The following PTPN6 variants were observed in gnomAD, a reference collection of about 807,000 sequenced individuals.
The protein encoded by PTPN6 is protein tyrosine phosphatase non-receptor type 6.
PTPN6 carries 18 observed loss-of-function variants against 81.5 expected under a neutral mutation model. The observed-to-expected ratio is 0.22, with a 90% CI of 0.15 to 0.33. The LOEUF is 0.33. Among genes scored for constraint, PTPN6 ranks in the 10% least tolerant of loss-of-function variants. The pLI is 1.00. For missense variants in PTPN6, 500 were observed against 794.2 expected (o/e 0.63, Z 4.45); for synonymous variants, 301 against 310.9 (o/e 0.97, Z 0.33).
rs1394806924 is a variant in PTPN6, at chr12:6,954,274, C to T, written c.327-531C>T. On this transcript the variant is annotated intron_variant, in intron 3 of 15. Transcript: ENST00000318974. This position sits in a 1 kb window ranked among gnomAD's most constrained non-coding sequence, Gnocchi z 5.4. ...GAGTCTGTGTGTCCATCTCCCACCA[C>T]TCCCTGTGGTGTGGCCTCGGTCTGC... 6.6e-6 allele frequency among the ~76,000 whole-genome samples: 1 copy of T among 152,218 alleles called. No homozygotes were observed. The highest frequency in any genetic ancestry group is 1.9e-4 in the East Asian group (1 of 5,202).
chr12:6,957,847 T>C lies in PTPN6; in HGVS notation c.1206+62T>C. ...CCCTCCCTGGACTTGTTCTCCTCTC[T>C]GGTCGGGTAGGGTGAGATGGATGAG... On this transcript the variant is annotated intron_variant, in intron 10 of 15. Transcript: ENST00000318974. This position sits in a 1 kb window ranked among gnomAD's most constrained non-coding sequence, Gnocchi z 6.5. 6.2e-7 allele frequency: 1 copy of C among 1,613,946 alleles called. No homozygotes were observed. The highest frequency in any genetic ancestry group is 8.5e-7 in the Non-Finnish European group (1 of 1,179,948).
At chr12:6,949,131 G>A (rs1375093584), upstream of PTPN6, among the ~76,000 whole-genome samples, 1 of 152,118 alleles carries the variant, frequency 6.6e-6, no homozygotes, top group East Asian at 1.9e-4. Flanking sequence ...TCTGGTCCCT[G>A]ATCCCGTCTG....
At chr12:6,958,846 G>T (rs1372973853) in intron 11 of PTPN6, among the ~76,000 whole-genome samples, 1 of 152,196 alleles carries the variant, frequency 6.6e-6, no homozygotes, top group Non-Finnish European at 1.5e-5. Context: ...CTAACCCTCA[G>T]CTTCCTCATC....
Position 6,958,025 on chromosome 12 carries a change from A to G in PTPN6, c.1313A>G (p.Gln438Arg), listed in dbSNP as rs1555149037. ...CTCAGCTTCCTGGACCAGATCAACC[A>G]GCGGCAGGAAAGTCTGCCTCACGCA... ...GVLSFLDQIN[Q>R]RQESLPHAGP... Residue 438 changes from glutamine to arginine, a missense_variant, in exon 11 of 16, where the codon CAG becomes CGG. Transcript: ENST00000318974. 5.6e-6 allele frequency: 9 copies of G among 1,613,344 alleles called. No individual in the cohort carries two copies. The highest frequency in any genetic ancestry group is 4.4e-5 in the South Asian group (4 of 91,090).
chr12:6,956,137 C>G lies in PTPN6; in HGVS notation c.845-5C>G, dbSNP rs782816306. 1 of 1,614,192 alleles carries G rather than the reference C, an allele frequency of 6.2e-7. No individual in the cohort carries two copies. The highest frequency in any genetic ancestry group is 8.5e-7 in the Non-Finnish European group (1 of 1,180,030). ...CCATCTCGCCTCCTCTCCGCCCACT[C>G]CCAGTTGACCACAGCCGAGTGATCC... On this transcript the variant is annotated splice_polypyrimidine_tract_variant and splice_region_variant and intron_variant, in intron 7 of 15. Transcript: ENST00000318974. The surrounding 1 kb of genome is among the most constrained non-coding windows in gnomAD (Gnocchi z 4.1).
At chr12:6,961,044 G>A in intron 15 of PTPN6, 82 bp from the exon 16 acceptor site, 2 of 1,515,456 alleles carry the variant, frequency 1.3e-6, no homozygotes, top group African/African-American at 1.4e-5. Context: ...CTCATTCTGT[G>A]CTTCCCAGCT....
At chr12:6,948,307 G>A (rs1419687299), upstream of PTPN6, among the ~76,000 whole-genome samples, 1 of 151,934 alleles carries the variant, frequency 6.6e-6, no homozygotes, top group African/African-American at 2.4e-5. Context: ...GTAGTGGCAT[G>A]CACCTGTGGT....
chr12:6,948,592 G>C (rs186996534), upstream of PTPN6, among the ~76,000 whole-genome samples: 5 of 151,762 alleles, frequency 3.3e-5, no homozygotes, highest in Non-Finnish European at 7.4e-5. Flanking sequence ...ACACCCAGTC[G>C]AAAGAAGAAA....
chr12:6,957,878 C>G lies in PTPN6; in HGVS notation c.1207-41C>G, dbSNP rs1555148994. ...GGTAGGGTGAGATGGATGAGGTGTT[C>G]CGAGAGAGGAGGGGGCACTGACCCT... On this transcript the variant is annotated intron_variant, in intron 10 of 15. Transcript: ENST00000318974. This position sits in a 1 kb window ranked among gnomAD's most constrained non-coding sequence, Gnocchi z 6.5. The G allele has an allele frequency of 6.2e-7, 1 of 1,613,796 alleles. No homozygotes were observed. The highest frequency in any genetic ancestry group is 8.5e-7 in the Non-Finnish European group (1 of 1,180,006).
chr12:6,956,412 C>T lies in PTPN6; in HGVS notation c.925-7C>T. ...CTTGGGGTGCGTCTCTCCACGCTTG[C>T]GTCCAGAACCAGCTGCTAGGCCCTG... On this transcript the variant is annotated splice_polypyrimidine_tract_variant and splice_region_variant and intron_variant, in intron 8 of 15. Transcript: ENST00000318974. The surrounding 1 kb of genome is among the most constrained non-coding windows in gnomAD (Gnocchi z 4.1). The T allele has an allele frequency of 6.2e-7, 1 of 1,614,154 alleles. No individual in the cohort carries two copies. Among genetic ancestry groups the T allele is most frequent in the Non-Finnish European group, 8.5e-7 (1 of 1,180,024 alleles).
At chr12:6,961,086 C>A (rs1946131899) in intron 15 of PTPN6, 40 bp from the exon 16 acceptor site, 16 of 1,351,742 alleles carry the variant, frequency 1.2e-5, no homozygotes, top group South Asian at 5.4e-5. Flanking sequence ...CCTCCAGGTT[C>A]CAGCTACCCT....
upstream of PTPN6, among the ~76,000 whole-genome samples, chr12:6,949,214 G>A (rs1399229029): frequency 2.0e-5 from 3 of 152,164 alleles, no homozygotes; most frequent in Non-Finnish European, 2.9e-5. Flanking sequence ...TCTCAGCCTG[G>A]CCTTGAATGA....
Position 6,960,542 on chromosome 12 carries a change from CA to C in PTPN6, c.1673+109del. ...TGTTGCAGCTGGGGGGACCTGGCTT[CA>C]AGTTCAGGCTTGGTTCTCACCCCTT... On this transcript the variant is annotated intron_variant, in intron 14 of 15. Coordinates refer to ENST00000318974, the MANE Select transcript of PTPN6 (RefSeq NM_002831.6). The surrounding 1 kb of genome is among the most constrained non-coding windows in gnomAD (Gnocchi z 6.1). 6.9e-7 allele frequency: 1 copy of C among 1,442,834 alleles called. No individual in the cohort carries two copies. Among genetic ancestry groups the C allele is most frequent in the Admixed American group, 2.0e-5 (1 of 51,206 alleles). The allele number at this position is 1,442,834 out of a possible 1,614,324, so 89.4% of individuals were successfully genotyped here.
At chr12:6,949,737 TAC>T (rs1483238902), upstream of PTPN6, among the ~76,000 whole-genome samples, 1 of 152,004 alleles carries the variant, frequency 6.6e-6, no homozygotes, top group Non-Finnish European at 1.5e-5. Context: ...CAGAACTTTC[TAC>T]AGATTATTTT....
In PTPN6 at chr12:6,951,532, C is replaced by T. The variant is rs376157457; in HGVS notation, c.8+12C>T. On this transcript the variant is annotated intron_variant, in intron 1 of 15. Coordinates refer to ENST00000318974, the MANE Select transcript of PTPN6 (RefSeq NM_002831.6). The surrounding 1 kb of genome is among the most constrained non-coding windows in gnomAD (Gnocchi z 7.2). ...CCCAGGATGGTGAGGTAAGGGCCTG[C>T]CACCCACGGTAGACAGGAGGCAAGG... is the stretch of plus-strand genomic sequence containing the variant. 612 of 1,613,866 alleles carry T rather than the reference C, an allele frequency of 3.8e-4. No individual in the cohort carries two copies. The highest frequency in any genetic ancestry group is 4.9e-4 in the Non-Finnish European group (584 of 1,179,972).
rs1946023068 is a variant in PTPN6 at position 6,955,999 on chromosome 12, C to T, written c.845-143C>T. 1 of 890,384 alleles carries T rather than the reference C, an allele frequency of 1.1e-6. No homozygotes were observed. The allele number at this position is 890,384 out of a possible 1,614,324, so 55.2% of individuals were successfully genotyped here. A position where few individuals can be genotyped will look rare whatever the true frequency, so the allele number is the denominator to read the frequency against. Reference sequence around the variant, plus strand: ...CCTCACTCCCTCCATACAGATGATCCCCCACCCCTGCTGCCCACAGTCCCC... The same window carrying T: ...CCTCACTCCCTCCATACAGATGATCTCCCACCCCTGCTGCCCACAGTCCCC... On this transcript the variant is annotated intron_variant, in intron 7 of 15. Coordinates refer to ENST00000318974, the MANE Select transcript of PTPN6 (RefSeq NM_002831.6). The surrounding 1 kb of genome is among the most constrained non-coding windows in gnomAD (Gnocchi z 7.2).
chr12:6,948,603 G>GGAAA (rs782462934), upstream of PTPN6, among the ~76,000 whole-genome samples: 185 of 150,946 alleles, frequency 1.2e-3, 1 homozygote, highest in South Asian at 0.029. Context: ...AAAGAAGAAA[G>GGAAA]GAAAGAAAAA....
At position 6,957,809 on chromosome 12, in the gene PTPN6, C is replaced by G; in HGVS notation, c.1206+24C>G. 3.1e-6 allele frequency: 5 copies of G among 1,614,136 alleles called. No individual in the cohort carries two copies. Among genetic ancestry groups the G allele is most frequent in the Non-Finnish European group, 4.2e-6 (5 of 1,180,026 alleles). The stretch of plus-strand genomic sequence containing the variant: ...ATGTGAGTGGCCCCCACGCCCTGCC[C>G]CATTCCGGGAGTCCCTCCCTGGACT... On this transcript the variant is annotated intron_variant, in intron 10 of 15. Transcript: ENST00000318974. This position sits in a 1 kb window ranked among gnomAD's most constrained non-coding sequence, Gnocchi z 6.5.
rs1181181032 is a variant in PTPN6 at position 6,957,401 on chromosome 12, G to A, written c.1075-253G>A. Reference sequence around the variant, plus strand: ...GAAGCTGTGTGGTTTGCACAGCTTCGGGGACAATGCCTGCCCTGGCAACGT... The same window carrying A: ...GAAGCTGTGTGGTTTGCACAGCTTCAGGGACAATGCCTGCCCTGGCAACGT... On this transcript the variant is annotated intron_variant, in intron 9 of 15. Coordinates refer to ENST00000318974, the MANE Select transcript of PTPN6 (RefSeq NM_002831.6). This position sits in a 1 kb window ranked among gnomAD's most constrained non-coding sequence, Gnocchi z 6.5. Among the ~76,000 whole-genome samples, 3 of 152,230 alleles carry A rather than the reference G, an allele frequency of 2.0e-5. No individual in the cohort carries two copies. The highest frequency in any genetic ancestry group is 4.8e-5 in the African/African-American group (2 of 41,460).
Sources: gnomAD v4.1 joint callset for allele counts (sites outside exome capture counted in the v4.1 genomes callset) on GRCh38, gnomAD v4.1.1 for gene constraint, Gnocchi (gnomAD v3.1) non-coding constraint, MANE v1.5 for transcripts, NCBI Gene and HGNC (gene_info 2026-07-23, HGNC 2026-07-21) for gene names.